FBXO15: variants seen among roughly 807,000 people sequenced by gnomAD.
FBXO15 encodes the protein F-box protein 15.
In FBXO15, 30 loss-of-function variants were observed where a neutral mutation model predicts 49.5. The observed-to-expected ratio is 0.61, with a 90% confidence interval of 0.45 to 0.82. FBXO15 has a LOEUF of 0.82. Among genes scored for constraint, FBXO15 ranks in the 40% least tolerant of loss-of-function variants. The pLI is 0.00. For synonymous variants in FBXO15, 250 were observed against 232.7 expected (o/e 1.07, Z -0.68); for missense variants, 591 against 631.5 (o/e 0.94, Z 0.69).
At chr18:74,121,169 T>C (rs912953878) in intron 8 of FBXO15, among the ~76,000 whole-genome samples, 1 of 152,168 alleles carries the variant, frequency 6.6e-6, no homozygotes, top group Non-Finnish European at 1.5e-5. Flanking sequence ...AAAAGGAAAC[T>C]GTAGTTAAAA....
chr18:74,126,074 C>T lies in FBXO15; in HGVS notation c.813G>A (p.Lys271=). ...ATATGGTCAAATGACTCAGATTGTA[C>T]TTTGCAATTAAAGAATGCCATCGGA... ...HRLRWHSLIA[K]YNLSHLTIST... is the part of the protein sequence containing the mutation. The change falls in exon 6 of 10, where the codon AAG becomes AAA. Residue 271 remains lysine, a synonymous_variant. Transcript: ENST00000419743. 6.2e-7 allele frequency: 1 copy of T among 1,613,936 alleles called. No individual in the cohort carries two copies. The highest frequency in any genetic ancestry group is 8.5e-7 in the Non-Finnish European group (1 of 1,179,922).
chr18:74,073,882 C>T, intron 9 of FBXO15, 152 bp from the exon 10 acceptor site: 1 of 950,486 alleles, frequency 1.1e-6, no homozygotes, highest in East Asian at 2.6e-5. Flanking sequence ...TACTTCATAA[C>T]CTAGATTATA....
In FBXO15 at chr18:74,074,735, C is replaced by T. The variant is rs948762182; in HGVS notation, c.1264-1005G>A. On this transcript the variant is annotated intron_variant, in intron 9 of 9. Coordinates refer to ENST00000419743, the MANE Select transcript of FBXO15 (RefSeq NM_001142958.2). The surrounding 1 kb of genome is among the most constrained non-coding windows in gnomAD (Gnocchi z 4.7). The stretch of plus-strand genomic sequence containing the variant: ...ACATAGTCGGCATGCATTACATACA[C>T]TAAGCATAAACGTCATTTCATGAAC... Among the ~76,000 whole-genome samples the T allele has an allele frequency of 6.6e-6, 1 of 152,250 alleles. No individual in the cohort carries two copies. Among genetic ancestry groups the T allele is most frequent in the East Asian group, 1.9e-4 (1 of 5,200 alleles).
At chr18:74,113,864 C>A (rs180950678) in intron 8 of FBXO15, among the ~76,000 whole-genome samples, 26 of 152,324 alleles carry the variant, frequency 1.7e-4, no homozygotes, top group African/African-American at 6.3e-4. Flanking sequence ...ACTTCAAAGA[C>A]ACAACTGGAC....
In FBXO15 at chr18:74,147,685, C is replaced by G; in HGVS notation, c.101G>C (p.Arg34Thr). ...CTACAGTCACCTGCACCCAAAGGCC[C>G]TGGCGCGCCCCCGGGCCGCGCCACC... ...RGGGAARGRA[R>T]AFGCRKGPGV... Residue 34 changes from arginine (R) to threonine (T), a missense_variant, in exon 1 of 10, where the codon AGG (arginine) becomes ACG (threonine). By Grantham distance (71) the Arg-to-Thr change is moderately conservative (BLOSUM62 -1). Coordinates refer to ENST00000419743, the MANE Select transcript of FBXO15 (RefSeq NM_001142958.2). The G allele has an allele frequency of 6.7e-7, 1 of 1,496,650 alleles. No homozygotes were observed. The highest frequency in any genetic ancestry group is 1.4e-5 in the African/African-American group (1 of 69,512). 92.7% of individuals were successfully genotyped at this position (1,496,650 alleles called of 1,614,324 possible).
chr18:74,100,981 C>G (rs1168758726), intron 8 of FBXO15, among the ~76,000 whole-genome samples: 2 of 151,498 alleles, frequency 1.3e-5, no homozygotes, highest in Non-Finnish European at 3.0e-5. Flanking sequence ...ACCAGACACT[C>G]AAAGAATTGG....
chr18:74,130,908 G>T, intron 3 of FBXO15: 4 of 342,668 alleles, frequency 1.2e-5, no homozygotes, highest in East Asian at 6.3e-5. Flanking sequence ...TCTCAAGTGA[G>T]TAATCTCACG....
chr18:74,105,736 G>A (rs1192815260), intron 8 of FBXO15, among the ~76,000 whole-genome samples: 1 of 152,020 alleles, frequency 6.6e-6, no homozygotes, highest in Non-Finnish European at 1.5e-5. Flanking sequence ...ATGAGACACT[G>A]TGCCTGGCCC....
At chr18:74,138,220 T>C (rs987810538) in intron 2 of FBXO15, among the ~76,000 whole-genome samples, 1 of 152,176 alleles carries the variant, frequency 6.6e-6, no homozygotes, top group Non-Finnish European at 1.5e-5. Context: ...AAAACACTTG[T>C]CTACACCTGT....
chr18:74,146,644 G>A (rs1218293811), intron 1 of FBXO15, among the ~76,000 whole-genome samples: 1 of 152,098 alleles, frequency 6.6e-6, no homozygotes, highest in Non-Finnish European at 1.5e-5. Context: ...AAGGCTTGTG[G>A]TATGTCTAGC....
chr18:74,118,939 T>C (rs1424967690), intron 8 of FBXO15, among the ~76,000 whole-genome samples: 6 of 152,006 alleles, frequency 3.9e-5, no homozygotes, highest in Admixed American at 2.6e-4. Flanking sequence ...TTCCTCTGGG[T>C]TGTAAGAGAA....
chr18:74,098,500 A>G (rs1331686981), intron 8 of FBXO15: 1 of 152,224 alleles, frequency 6.6e-6, no homozygotes, highest in Non-Finnish European at 1.5e-5. Context: ...AGAACTGAAC[A>G]TGGCAGAAGA....
At chr18:74,106,818 T>C (rs1350087650) in intron 8 of FBXO15, among the ~76,000 whole-genome samples, 1 of 152,192 alleles carries the variant, frequency 6.6e-6, no homozygotes, top group Non-Finnish European at 1.5e-5. Context: ...AACAGTGCTA[T>C]AATCATGAAA....
rs1372386181 is a variant in FBXO15 at position 74,081,947 on chromosome 18, T to G, written c.1243A>C (p.Ile415Leu). Residue 415 changes from isoleucine to leucine, a missense_variant, in exon 9 of 10, where the codon ATT becomes CTT. Ile to Leu is a conservative substitution (Grantham distance 5). Transcript: ENST00000419743. The stretch of plus-strand genomic sequence containing the variant: ...TTTACCTTTATACAGCCATCAAAAA[T>G]ATCAGTTTTCCACGAGAGGCCAACT... ...GKVGLSWKTD[I>L]FDGCIKSCSM... 5 of 1,612,424 alleles carry G rather than the reference T, an allele frequency of 3.1e-6. 1 individual carries two copies. Among genetic ancestry groups the G allele is most frequent in the Middle Eastern group, 3.3e-4 (2 of 6,042 alleles).
intron 8 of FBXO15, among the ~76,000 whole-genome samples, chr18:74,088,033 C>T (rs1455994414): frequency 6.6e-6 from 1 of 152,204 alleles, no homozygotes; most frequent in Non-Finnish European, 1.5e-5. Flanking sequence ...ATTGTCTGTT[C>T]ATGTCCTTTG....
chr18:74,129,993 C>T (rs1346226990), intron 4 of FBXO15, among the ~76,000 whole-genome samples: 2 of 152,104 alleles, frequency 1.3e-5, no homozygotes, highest in African/African-American at 4.8e-5. Context: ...TTCTAGGAAC[C>T]CCATGATACC....
chr18:74,092,522 C>T lies in FBXO15; in HGVS notation c.1139-10471G>A, dbSNP rs141709710. Among the ~76,000 whole-genome samples the T allele has an allele frequency of 1.4e-4, 21 of 152,218 alleles. No homozygotes were observed. In the East Asian group the frequency reaches 2.9e-3, roughly 21 times the overall value. ...TGTGGGCTGATGTTTCTTCAATCTTCGAAGTTGCTGTCCTTTGGATAGCTG... is the reference window on the plus strand; with the variant it reads ...TGTGGGCTGATGTTTCTTCAATCTTTGAAGTTGCTGTCCTTTGGATAGCTG... On this transcript the variant is annotated intron_variant, in intron 8 of 9. Transcript: ENST00000419743.
chr18:74,136,329 C>CG (rs1321300075), intron 2 of FBXO15, among the ~76,000 whole-genome samples: 5 of 152,204 alleles, frequency 3.3e-5, no homozygotes, highest in African/African-American at 1.2e-4. Flanking sequence ...TACAGGCGCA[C>CG]GCCGCCAAGC....
intron 8 of FBXO15, among the ~76,000 whole-genome samples, chr18:74,094,082 A>G (rs998663365): frequency 2.0e-5 from 3 of 152,224 alleles, no homozygotes; most frequent in African/African-American, 7.2e-5. Context: ...CTTTTTGTAC[A>G]TCTCCATCAG....
Sources: allele counts gnomAD v4.1 joint callset (sites outside exome capture counted in the v4.1 genomes callset), GRCh38; gene constraint gnomAD v4.1.1; non-coding constraint Gnocchi (gnomAD v3.1); transcripts MANE v1.5; gene names NCBI Gene and HGNC (gene_info 2026-07-23, HGNC 2026-07-21).